Variants in GALNT14 observed in about 807,000 individuals in gnomAD.
GALNT14 encodes UDP-GalNAc:polypeptide N-acetylgalactosaminyltransferase 14.
A neutral mutation model predicts 77.5 loss-of-function variants in GALNT14; 60 were observed. The observed-to-expected ratio is 0.77, with a 90% CI of 0.63 to 0.96. The LOEUF is 0.96. Ranked by LOEUF, GALNT14 falls within the 40% of genes least tolerant of loss-of-function variation. The probability of loss-of-function intolerance (pLI) is 0.00; values close to 1 mark genes in which losing one functional copy is unlikely to be tolerated. For synonymous variants in GALNT14, 280 were observed against 281.7 expected, an observed-to-expected ratio of 0.99 and a Z score of 0.06; for missense variants, 710 against 731.0, an observed-to-expected ratio of 0.97 and a Z score of 0.33.
At chr2:30,966,773 C>T (rs374912498) in intron 2 of GALNT14, among the ~76,000 whole-genome samples, 12 of 152,256 alleles carry the variant, frequency 7.9e-5, no homozygotes, top group African/African-American at 1.4e-4. Flanking sequence ...GTTGTGCTGA[C>T]GCCCAGCCCC....
chr2:30,887,209 T>C, the GALNT14 span, among the ~76,000 whole-genome samples: 1 of 152,222 alleles, frequency 6.6e-6, no homozygotes, highest in Non-Finnish European at 1.5e-5. Context: ...TTTAAGTAGC[T>C]CTTTTCAGTT....
At chr2:30,905,228 T>G in the GALNT14 span, among the ~76,000 whole-genome samples, 2 of 152,148 alleles carry the variant, frequency 1.3e-5, no homozygotes, top group African/African-American at 4.8e-5. Flanking sequence ...TTTGACGAGC[T>G]GAGAGAAGAA....
At chr2:31,137,705 A>G (rs1679288988) in intron 1 of GALNT14, among the ~76,000 whole-genome samples, 1 of 152,066 alleles carries the variant, frequency 6.6e-6, no homozygotes, top group African/African-American at 2.4e-5. Context: ...TCAAGTTGGG[A>G]GCCCCGCTCC....
chr2:31,031,215 A>T (rs1221702436), intron 1 of GALNT14, among the ~76,000 whole-genome samples: 1 of 152,112 alleles, frequency 6.6e-6, no homozygotes, highest in Non-Finnish European at 1.5e-5. Context: ...AACCTCTGAA[A>T]TGTCTTAGGA....
chr2:31,030,369 A>T (rs1403759500), intron 1 of GALNT14, among the ~76,000 whole-genome samples: 1 of 152,186 alleles, frequency 6.6e-6, no homozygotes, highest in Non-Finnish European at 1.5e-5. Flanking sequence ...TGATTTTGCT[A>T]AACATACCAT....
chr2:31,016,727 T>C (rs138162570), intron 1 of GALNT14, among the ~76,000 whole-genome samples: 3 of 152,296 alleles, frequency 2.0e-5, no homozygotes, highest in Non-Finnish European at 4.4e-5. Flanking sequence ...TGGAACCAGG[T>C]TGAAATCTCC....
At chr2:31,120,639 C>T (rs1370476705) in intron 1 of GALNT14, among the ~76,000 whole-genome samples, 2 of 152,202 alleles carry the variant, frequency 1.3e-5, no homozygotes, top group African/African-American at 2.4e-5. Context: ...TCACTGCAAC[C>T]TCTGCCTCCT....
chr2:31,025,641 G>C (rs1191825412), intron 1 of GALNT14, among the ~76,000 whole-genome samples: 1 of 152,212 alleles, frequency 6.6e-6, no homozygotes, highest in Non-Finnish European at 1.5e-5. Flanking sequence ...GTGAGGACAA[G>C]GTTGAAAGCA....
At chr2:30,901,384 G>T in the GALNT14 span, among the ~76,000 whole-genome samples, 8 of 151,368 alleles carry the variant, frequency 5.3e-5, no homozygotes, top group African/African-American at 2.0e-4. Context: ...ACACCACCAT[G>T]ACTTCAACTC....
chr2:31,004,206 C>T (rs905579449), intron 1 of GALNT14, among the ~76,000 whole-genome samples: 1 of 152,206 alleles, frequency 6.6e-6, no homozygotes, highest in African/African-American at 2.4e-5. Context: ...CTGTGTCCTC[C>T]AGCTCTGGTA....
rs77285634 is a variant in GALNT14, at chr2:30,948,123, T to G, written c.655-2253A>C. The stretch of plus-strand genomic sequence containing the variant: ...AAATACCTGGACGTGCACACACAAA[T>G]ACACACACAATTGTTCCTTGAATTC... On this transcript the variant is annotated intron_variant, in intron 6 of 14. Transcript: ENST00000349752. 5.2e-3 allele frequency among the ~76,000 whole-genome samples: 788 copies of G among 152,300 alleles called. 6 individuals are homozygous for G. The highest frequency in any genetic ancestry group is 0.018 in the African/African-American group (765 of 41,562).
intron 2 of GALNT14, among the ~76,000 whole-genome samples, chr2:30,975,766 T>A (rs1249551907): frequency 6.6e-6 from 1 of 152,138 alleles, no homozygotes; most frequent in Non-Finnish European, 1.5e-5. Flanking sequence ...CTGGTATGAG[T>A]AAAATAAAAT....
At chr2:31,090,608 G>A (rs558232196) in intron 1 of GALNT14, among the ~76,000 whole-genome samples, 31 of 148,556 alleles carry the variant, frequency 2.1e-4, no homozygotes, top group African/African-American at 7.7e-4. Context: ...TCCTGCCTCA[G>A]CCTTCCAAGG....
At chr2:31,117,695 C>T (rs1200439159) in intron 1 of GALNT14, among the ~76,000 whole-genome samples, 1 of 152,154 alleles carries the variant, frequency 6.6e-6, no homozygotes, top group African/African-American at 2.4e-5. Flanking sequence ...AAAATGGATA[C>T]TACCCAAACT....
chr2:30,945,067 TG>T, intron 7 of GALNT14, 125 bp from the exon 8 acceptor site: 1 of 723,278 alleles, frequency 1.4e-6, no homozygotes, highest in Non-Finnish European at 2.1e-6. Flanking sequence ...GGCCGGTCCC[TG>T]GGATTGCAGG....
the GALNT14 span, among the ~76,000 whole-genome samples, chr2:30,902,760 A>T: frequency 6.6e-6 from 1 of 152,286 alleles, no homozygotes; most frequent in East Asian, 1.9e-4. Flanking sequence ...CAGTGGGGAT[A>T]AAGAAGAGAT....
intron 1 of GALNT14, among the ~76,000 whole-genome samples, chr2:31,120,841 C>T (rs1678374598): frequency 6.6e-6 from 1 of 152,204 alleles, no homozygotes; most frequent in African/African-American, 2.4e-5. Context: ...CAGGCGTGAG[C>T]CACCACGCCC....
intron 1 of GALNT14, among the ~76,000 whole-genome samples, chr2:31,074,619 A>G (rs185934132): frequency 9.9e-5 from 15 of 152,226 alleles, no homozygotes; most frequent in Admixed American, 9.8e-4. Context: ...TTCATCCTGC[A>G]GTAGTGGCTA....
intron 6 of GALNT14, among the ~76,000 whole-genome samples, chr2:30,946,075 A>G (rs1666677682): frequency 1.3e-5 from 2 of 152,154 alleles, no homozygotes; most frequent in African/African-American, 4.8e-5. Context: ...TAAAATGCTA[A>G]GAGGTTTTCC....
Sources: allele counts gnomAD v4.1 joint callset (sites outside exome capture counted in the v4.1 genomes callset), GRCh38; gene constraint gnomAD v4.1.1; transcripts MANE v1.5; gene names NCBI Gene and HGNC (gene_info 2026-07-23, HGNC 2026-07-21).